The following TMEM178A variants were observed in gnomAD, a reference collection of about 807,000 sequenced individuals.
The protein encoded by TMEM178A is transmembrane protein 178A.
A neutral mutation model predicts 29.1 loss-of-function variants in TMEM178A; 12 were observed. That is an observed-to-expected ratio of 0.41 (90% CI 0.26 to 0.67). The LOEUF (loss-of-function observed/expected upper bound fraction) is 0.67, where lower values mean the gene tolerates loss of function less well. Among genes scored for constraint, TMEM178A ranks in the 30% least tolerant of loss-of-function variants. The probability of loss-of-function intolerance (pLI) is 0.29; values close to 1 mark genes in which losing one functional copy is unlikely to be tolerated. For synonymous variants in TMEM178A, 210 were observed against 187.2 expected, an observed-to-expected ratio of 1.12 and a Z score of -0.99; for missense variants, 366 against 419.1, an observed-to-expected ratio of 0.87 and a Z score of 1.11.
At chr2:39,727,624 C>T in the TMEM178A span, among the ~76,000 whole-genome samples, 1 of 152,024 alleles carries the variant, frequency 6.6e-6, no homozygotes, top group South Asian at 2.1e-4. Flanking sequence ...TGTGCAGGTT[C>T]GTTACGTAGG....
chr2:39,730,315 T>A, the TMEM178A span, among the ~76,000 whole-genome samples: 1 of 152,038 alleles, frequency 6.6e-6, no homozygotes, highest in African/African-American at 2.4e-5. Flanking sequence ...GGGCACCTCT[T>A]TTCTCAGAAA....
intron 1 of TMEM178A, among the ~76,000 whole-genome samples, chr2:39,686,867 A>G (rs1258883423): frequency 6.6e-6 from 1 of 152,124 alleles, no homozygotes; most frequent in Non-Finnish European, 1.5e-5. Context: ...CTGGTTGGCT[A>G]CGTCATCATG....
intron 1 of TMEM178A, chr2:39,687,509 C>A: frequency 6.0e-6 from 1 of 166,806 alleles, no homozygotes. Context: ...GAGTCACTTC[C>A]CTGCATGTCC....
chr2:39,668,868 G>A (rs1238035125), intron 1 of TMEM178A, among the ~76,000 whole-genome samples: 1 of 152,118 alleles, frequency 6.6e-6, no homozygotes. Context: ...AAAAGAAAAT[G>A]TCACCAACAT....
chr2:39,666,286 C>T lies in TMEM178A; in HGVS notation c.312C>T (p.Gly104=). 2.1e-6 allele frequency: 3 copies of T among 1,414,668 alleles called. No individual in the cohort carries two copies. The highest frequency in any genetic ancestry group is 9.2e-7 in the Non-Finnish European group (1 of 1,083,432). The allele number at this position is 1,414,668 out of a possible 1,614,324, so 87.6% of individuals were successfully genotyped here. A position where few individuals can be genotyped will look rare whatever the true frequency, so the allele number is the denominator to read the frequency against. Residue 104 remains glycine (G), a synonymous_variant, in exon 1 of 4, where the codon GGC becomes GGT. Coordinates refer to ENST00000281961, the MANE Select transcript of TMEM178A (RefSeq NM_152390.3). ...TCGGCGGGCTGGACGCCGAGTGCGG[C>T]CGGCCCCTCTTCGCCACCTACTCGG... ...LGLGGLDAEC[G]RPLFATYSGL... is the part of the protein sequence containing the mutation.
At chr2:39,694,363 A>T (rs1420435873) in intron 1 of TMEM178A, among the ~76,000 whole-genome samples, 1 of 152,162 alleles carries the variant, frequency 6.6e-6, no homozygotes, top group African/African-American at 2.4e-5. Context: ...CAGAGAGAAT[A>T]TAGAGTGAAC....
At chr2:39,711,014 CT>C (rs1672277417) in intron 3 of TMEM178A, among the ~76,000 whole-genome samples, 1 of 152,262 alleles carries the variant, frequency 6.6e-6, no homozygotes, top group African/African-American at 2.4e-5. Flanking sequence ...GGTCTCACCC[CT>C]CTTCCTCTTC....
chr2:39,689,561 G>A (rs1475932226), intron 1 of TMEM178A, among the ~76,000 whole-genome samples: 1 of 152,220 alleles, frequency 6.6e-6, no homozygotes, highest in Non-Finnish European at 1.5e-5. Flanking sequence ...GTTGCTAGGA[G>A]CTGGAGAGGA....
chr2:39,665,963 G>C lies in TMEM178A; in HGVS notation c.-12G>C. The C allele has an allele frequency of 3.7e-6, 5 of 1,341,428 alleles. No individual in the cohort carries two copies. The South Asian group carries it at 1.0e-4, about 27-fold the overall frequency. 83.1% of individuals were successfully genotyped at this position (1,341,428 alleles called of 1,614,324 possible). On this transcript the variant is annotated 5_prime_UTR_variant, in exon 1 of 4. Transcript: ENST00000281961. ...CGCGAGCCCACCGGCGGCTGCGGCGGGGCGGGAAGCCATGGAGCCGCGGGC... is the reference window on the plus strand; with the variant it reads ...CGCGAGCCCACCGGCGGCTGCGGCGCGGCGGGAAGCCATGGAGCCGCGGGC...
the TMEM178A span, among the ~76,000 whole-genome samples, chr2:39,729,640 C>A: frequency 0.017 from 2,547 of 152,266 alleles, 76 homozygotes; most frequent in African/African-American, 0.058. Flanking sequence ...GGTAACACAT[C>A]CATGTCAAGA....
At chr2:39,684,196 T>C (rs2716694) in intron 1 of TMEM178A, among the ~76,000 whole-genome samples, 82,410 of 151,984 alleles carry the variant, frequency 0.54, 23,768 homozygotes, top group East Asian at 0.87. Flanking sequence ...GATTTAGGGT[T>C]GCTAAATATC....
At chr2:39,667,214 G>A (rs1002213033) in intron 1 of TMEM178A, among the ~76,000 whole-genome samples, 1 of 152,174 alleles carries the variant, frequency 6.6e-6, no homozygotes, top group Non-Finnish European at 1.5e-5. Context: ...TCTTCTGTTC[G>A]TGGTACCTTG....
At chr2:39,665,830 G>T (rs1244971869), upstream of TMEM178A, 6 of 765,686 alleles carry the variant, frequency 7.8e-6, no homozygotes, top group Admixed American at 9.0e-5. Flanking sequence ...AGCCGGGCCG[G>T]GCTCGCAGGG....
chr2:39,711,132 C>G (rs1672282397), intron 3 of TMEM178A, among the ~76,000 whole-genome samples: 1 of 152,212 alleles, frequency 6.6e-6, no homozygotes, highest in African/African-American at 2.4e-5. Flanking sequence ...GTTACACACA[C>G]ACAGGCACAG....
intron 1 of TMEM178A, among the ~76,000 whole-genome samples, chr2:39,689,195 T>A (rs149304892): frequency 1.3e-5 from 2 of 152,324 alleles, no homozygotes; most frequent in African/African-American, 4.8e-5. Flanking sequence ...TTTTTAAGGA[T>A]AATTTGCTCT....
At chr2:39,733,596 G>A in the TMEM178A span, among the ~76,000 whole-genome samples, 1 of 152,222 alleles carries the variant, frequency 6.6e-6, no homozygotes, top group South Asian at 2.1e-4. Context: ...GAAAGGTGAA[G>A]TCCTTATTTA....
chr2:39,735,872 A>AC, the TMEM178A span, among the ~76,000 whole-genome samples: 33 of 152,340 alleles, frequency 2.2e-4, no homozygotes, highest in African/African-American at 7.5e-4. Context: ...ACATGGGTGG[A>AC]CCTGATACCA....
chr2:39,709,228 C>T (rs902853752), intron 3 of TMEM178A, among the ~76,000 whole-genome samples: 2 of 152,188 alleles, frequency 1.3e-5, no homozygotes, highest in African/African-American at 2.4e-5. Context: ...CTTAAGGAAC[C>T]CACATCACAG....
chr2:39,704,083 A>G lies in TMEM178A; in HGVS notation c.403A>G (p.Ile135Val). ...RDIDTLILKG[I>V]AQRCTAIKYH... ...TCGCGTTTCTTATTTCCTTCAAGGT[A>G]TTGCGCAGCGATGCACGGCCATCAA... is the stretch of plus-strand genomic sequence containing the variant. The change falls in exon 2 of 4, where the codon ATT becomes GTT. Residue 135 changes from isoleucine (I) to valine (V), a missense_variant and splice_region_variant. Ile to Val is a conservative substitution (Grantham distance 29, BLOSUM62 3). Coordinates refer to ENST00000281961, the MANE Select transcript of TMEM178A (RefSeq NM_152390.3). 2 of 1,613,956 alleles carry G rather than the reference A, an allele frequency of 1.2e-6. No homozygotes were observed. Among genetic ancestry groups the G allele is most frequent in the Non-Finnish European group, 1.7e-6 (2 of 1,179,856 alleles).
Sources: allele counts gnomAD v4.1 joint callset (sites outside exome capture counted in the v4.1 genomes callset), GRCh38; gene constraint gnomAD v4.1.1; transcripts MANE v1.5; gene names NCBI Gene and HGNC (gene_info 2026-07-23, HGNC 2026-07-21).